The following ABCC11 variants were observed in gnomAD, a reference collection of about 807,000 sequenced individuals.
ABCC11 encodes the protein ATP binding cassette subfamily C member 11, also known as ATP-binding cassette sub-family C member 11.
Under a neutral mutation model 149.3 loss-of-function variants are expected in ABCC11, and 135 were observed. That is an observed-to-expected ratio of 0.90 (90% CI 0.79 to 1.04). The LOEUF (loss-of-function observed/expected upper bound fraction) is 1.04. Among genes scored for constraint, ABCC11 ranks in the 50% least tolerant of loss-of-function variants. ABCC11 has a pLI of 0.00. For missense variants in ABCC11, 1,680 were observed against 1,722.1 expected, an observed-to-expected ratio of 0.98 and a Z score of 0.43; for synonymous variants, 665 against 671.4, an observed-to-expected ratio of 0.99 and a Z score of 0.15.
At position 48,196,332 on chromosome 16, in the gene ABCC11, G is replaced by T. The variant is rs1334586299; in HGVS notation, c.2315-11C>A. The T allele has an allele frequency of 6.2e-7, 1 of 1,613,066 alleles. No homozygotes were observed. Among genetic ancestry groups the T allele is most frequent in the Non-Finnish European group, 8.5e-7 (1 of 1,179,466 alleles). The stretch of plus-strand genomic sequence containing the variant: ...GCTGATGCTCCGGCACTGGGTCAGG[G>T]TAGAAGAAGAGAAAAGTGGTATGCC... On this transcript the variant is annotated splice_polypyrimidine_tract_variant and intron_variant, in intron 17 of 29. Transcript: ENST00000356608.
chr16:48,193,886 C>T lies in ABCC11; in HGVS notation c.2501G>A (p.Gly834Asp), dbSNP rs1282084950. ...FWWLSYWLEQ[G>D]SGTNSSRESN... ...CCACCTCATGGCACTCACCCCCGAG[C>T]CCTGCTCCAACCAGTAGCTCAGCCA... is the stretch of plus-strand genomic sequence containing the variant. Residue 834 changes from glycine (G) to aspartate (D), a missense_variant, in exon 19 of 30, where the codon GGC becomes GAC. Gly to Asp is a moderately conservative substitution (Grantham distance 94). Coordinates refer to ENST00000356608, the MANE Select transcript of ABCC11 (RefSeq NM_001370497.1). 2 of 1,613,470 alleles carry T rather than the reference C, an allele frequency of 1.2e-6. No homozygotes were observed. The highest frequency in any genetic ancestry group is 4.5e-5 in the East Asian group (2 of 44,878).
intron 23 of ABCC11, among the ~76,000 whole-genome samples, chr16:48,182,329 G>C (rs1406893709): frequency 6.6e-6 from 1 of 152,164 alleles, no homozygotes; most frequent in Non-Finnish European, 1.5e-5. Flanking sequence ...CATTCAGAGA[G>C]CTATGTGGTC....
At position 48,187,340 on chromosome 16, in the gene ABCC11, G is replaced by C; in HGVS notation, c.2794C>G (p.Gln932Glu). ...CFAGDLEQLD[Q>E]LLPIFSEQFL... The stretch of plus-strand genomic sequence containing the variant: ...TGCTCTGAAAAGATGGGCAAGAGCT[G>C]GTCCAGCTGTTCCAAGTCCCCTGCG... The change falls in exon 21 of 30, where the codon CAG becomes GAG. Residue 932 changes from glutamine to glutamate, a missense_variant. By Grantham distance (29) the Gln-to-Glu change is conservative. Coordinates refer to ENST00000356608, the MANE Select transcript of ABCC11 (RefSeq NM_001370497.1). 7 of 1,614,202 alleles carry C rather than the reference G, an allele frequency of 4.3e-6. No homozygotes were observed. The highest frequency in any genetic ancestry group is 5.9e-6 in the Non-Finnish European group (7 of 1,180,034).
In ABCC11 at chr16:48,198,267, T is replaced by C; in HGVS notation, c.2091A>G (p.Glu697=). 6.2e-7 allele frequency: 1 copy of C among 1,614,234 alleles called. No homozygotes were observed. The highest frequency in any genetic ancestry group is 1.3e-5 in the African/African-American group (1 of 75,070). The part of the protein sequence containing the change: ...VLVTHQLQYL[E]FCGQIILLEN... ...CCAACAAAATGATCTGGCCACAAAA[T>C]TCTAAGTACTGGACAGTCAAAAGAA... The change falls in exon 16 of 30, where the codon GAA becomes GAG. Residue 697 remains glutamate, a synonymous_variant. Transcript: ENST00000356608.
chr16:48,230,399 G>A (rs779314755), intron 3 of ABCC11, 38 bp downstream of exon 3: 8 of 1,524,554 alleles, frequency 5.2e-6, no homozygotes, highest in Non-Finnish European at 7.1e-6. Flanking sequence ...TTGCCCTGGT[G>A]GATACAGCTC....
chr16:48,174,918 C>T (rs1443269933), intron 26 of ABCC11, among the ~76,000 whole-genome samples: 1 of 152,180 alleles, frequency 6.6e-6, no homozygotes. Context: ...TGTACTACAG[C>T]CCTGAGCTCC....
In ABCC11 at chr16:48,166,373, G is replaced by A. The variant is rs1965338904; in HGVS notation, c.*901C>T. Among the ~76,000 whole-genome samples, 1 of 152,214 alleles carries A rather than the reference G, an allele frequency of 6.6e-6. No individual in the cohort carries two copies. The highest frequency in any genetic ancestry group is 2.4e-5 in the African/African-American group (1 of 41,460). On this transcript the variant is annotated 3_prime_UTR_variant, in exon 30 of 30. Transcript: ENST00000356608. ...CCATATTGCCACCATGAGGCAAGAG[G>A]AAGTTAGAAAGTGAAGCCAAACAAA...
intron 10 of ABCC11, 105 bp from the exon 11 acceptor site, chr16:48,211,304 T>C: frequency 7.1e-7 from 1 of 1,401,856 alleles, no homozygotes; most frequent in Non-Finnish European, 9.7e-7. Flanking sequence ...GTTTTGTGAA[T>C]TTCTAATAAG....
intron 15 of ABCC11, among the ~76,000 whole-genome samples, chr16:48,198,636 T>A (rs2150811570): frequency 6.7e-6 from 1 of 149,632 alleles, no homozygotes; most frequent in East Asian, 2.0e-4. Flanking sequence ...TACACTGAAG[T>A]ATTTTTTTTT....
At chr16:48,189,983 C>T (rs960267267) in intron 20 of ABCC11, among the ~76,000 whole-genome samples, 3 of 152,196 alleles carry the variant, frequency 2.0e-5, no homozygotes, top group African/African-American at 7.2e-5. Flanking sequence ...AAGTGCTCTG[C>T]TTTTGTTCAC....
At chr16:48,226,259 A>C (rs539379331) in intron 4 of ABCC11, among the ~76,000 whole-genome samples, 1 of 144,424 alleles carries the variant, frequency 6.9e-6, no homozygotes, top group Non-Finnish European at 1.5e-5. Flanking sequence ...CATGAAATAA[A>C]TTTATGATCC....
intron 23 of ABCC11, among the ~76,000 whole-genome samples, chr16:48,180,717 C>G (rs1304461591): frequency 6.6e-6 from 1 of 152,120 alleles, no homozygotes; most frequent in Non-Finnish European, 1.5e-5. Flanking sequence ...GGTCAGGACC[C>G]CATAGCTGAG....
At chr16:48,221,773 G>A (rs899572329) in intron 6 of ABCC11, among the ~76,000 whole-genome samples, 3 of 152,042 alleles carry the variant, frequency 2.0e-5, no homozygotes, top group Non-Finnish European at 2.9e-5. Context: ...ACAGGGTCTC[G>A]CTCCATCACC....
At chr16:48,201,803 C>T (rs1968006303) in intron 14 of ABCC11, among the ~76,000 whole-genome samples, 1 of 152,172 alleles carries the variant, frequency 6.6e-6, no homozygotes, top group African/African-American at 2.4e-5. Context: ...GGGTGGAAAC[C>T]CAAGTTACTG....
At chr16:48,203,902 G>A (rs1047601881) in intron 13 of ABCC11, among the ~76,000 whole-genome samples, 1 of 152,146 alleles carries the variant, frequency 6.6e-6, no homozygotes, top group Non-Finnish European at 1.5e-5. Context: ...AGTGTCTTAC[G>A]TATTTATTCA....
chr16:48,208,249 C>G (rs555169261), intron 12 of ABCC11, among the ~76,000 whole-genome samples, 176 bp downstream of exon 12: 4 of 152,292 alleles, frequency 2.6e-5, no homozygotes, highest in Non-Finnish European at 4.4e-5. Flanking sequence ...GAGAGGGCCA[C>G]CTTGATCACG....
At position 48,232,554 on chromosome 16, in the gene ABCC11, TA is replaced by T. The variant is rs531701718; in HGVS notation, c.-18-616del. On this transcript the variant is annotated intron_variant, in intron 1 of 29. Transcript: ENST00000356608. ...ACTTAAATAATCAGGGTTCTTTTTTTAAAAAAAAAATATGACTTTCATATTT... is the reference window on the plus strand; with the variant it reads ...ACTTAAATAATCAGGGTTCTTTTTTTAAAAAAAAATATGACTTTCATATTT... Among the ~76,000 whole-genome samples, 1,010 of 150,830 alleles carry T rather than the reference TA, an allele frequency of 6.7e-3. 12 individuals are homozygous for T. Among genetic ancestry groups the T allele is most frequent in the African/African-American group, 0.023 (949 of 41,264 alleles).
intron 12 of ABCC11, 49 bp downstream of exon 12, chr16:48,208,376 G>A: frequency 6.2e-7 from 1 of 1,609,648 alleles, no homozygotes; most frequent in Non-Finnish European, 8.5e-7. Context: ...AGCTTGGGAG[G>A]GCCTGGACTG....
intron 23 of ABCC11, among the ~76,000 whole-genome samples, chr16:48,182,267 T>C (rs1401018638): frequency 6.6e-6 from 1 of 152,208 alleles, no homozygotes; most frequent in Non-Finnish European, 1.5e-5. Context: ...CATGCATTCT[T>C]GGACATACAC....
Sources: gnomAD v4.1 joint callset for allele counts (sites outside exome capture counted in the v4.1 genomes callset) on GRCh38, gnomAD v4.1.1 for gene constraint, MANE v1.5 for transcripts, NCBI Gene and HGNC (gene_info 2026-07-23, HGNC 2026-07-21) for gene names.